NRXN3: variants seen among roughly 807,000 people sequenced by gnomAD.
NRXN3 encodes the protein neurexin 3.
NRXN3 carries 32 observed loss-of-function variants against 137.6 expected under a neutral mutation model. That is an observed-to-expected ratio of 0.23 (90% confidence interval 0.18 to 0.31). NRXN3 has a LOEUF of 0.31. NRXN3 is among the 10% of genes least tolerant of loss of function. The probability of loss-of-function intolerance (pLI) is 1.00; values close to 1 mark genes in which losing one functional copy is unlikely to be tolerated. For synonymous variants in NRXN3, 798 were observed against 784.5 expected, an observed-to-expected ratio of 1.02 and a Z score of -0.29; for missense variants, 1,574 against 2,062.5, an observed-to-expected ratio of 0.76 and a Z score of 4.59.
intron 6 of NRXN3, among the ~76,000 whole-genome samples, chr14:78,658,159 G>A (rs996227705): frequency 6.6e-6 from 1 of 152,140 alleles, no homozygotes; most frequent in African/African-American, 2.4e-5. Context: ...GCAGCGTAGG[G>A]CTAGTAAAAC....
chr14:78,444,630 G>C (rs2094360018), intron 4 of NRXN3, among the ~76,000 whole-genome samples: 1 of 152,022 alleles, frequency 6.6e-6, no homozygotes, highest in African/African-American at 2.4e-5. Context: ...TCATTTGAAG[G>C]AGTGTTTGGC....
intron 8 of NRXN3, among the ~76,000 whole-genome samples, chr14:78,787,707 A>G (rs1000347133): frequency 1.8e-4 from 28 of 152,222 alleles, no homozygotes; most frequent in Non-Finnish European, 2.4e-4. Context: ...TATCTACAGA[A>G]CAGTGCTGTT....
chr14:78,831,534 C>CAAAAAAAAAAAAAAAAAAAAAAA (rs372852083), intron 10 of NRXN3, among the ~76,000 whole-genome samples: 1 of 58,192 alleles, frequency 1.7e-5, no homozygotes, highest in African/African-American at 8.6e-5. Flanking sequence ...GACTCCATGT[C>CAAAAAAAAAAAAAAAAAAAAAAA]AAAAAAAAAA....
At chr14:79,127,392 A>G (rs1332802921) in intron 15 of NRXN3, among the ~76,000 whole-genome samples, 1 of 152,052 alleles carries the variant, frequency 6.6e-6, no homozygotes, top group African/African-American at 2.4e-5. Flanking sequence ...CTTTCTACAT[A>G]TGGCTAGCCA....
At chr14:78,864,379 C>A (rs1019666249) in intron 10 of NRXN3, among the ~76,000 whole-genome samples, 14 of 152,042 alleles carry the variant, frequency 9.2e-5, no homozygotes, top group African/African-American at 3.1e-4. Flanking sequence ...AATAAAACAT[C>A]CTCACACTGA....
chr14:79,409,623 A>G (rs1453237008), intron 15 of NRXN3, among the ~76,000 whole-genome samples: 2 of 143,638 alleles, frequency 1.4e-5, no homozygotes, highest in South Asian at 4.3e-4. Flanking sequence ...GTGTCTATAT[A>G]TATATATATA....
intron 15 of NRXN3, among the ~76,000 whole-genome samples, chr14:79,352,692 A>G (rs1400678522): frequency 1.3e-5 from 2 of 152,122 alleles, no homozygotes; most frequent in Non-Finnish European, 2.9e-5. Flanking sequence ...ATAACAGCTA[A>G]GATATGTCTG....
At position 79,867,483 on chromosome 14, in the gene NRXN3, T is replaced by A. The variant is rs1470514545; in HGVS notation, c.*5519T>A. The A allele has an allele frequency of 1.3e-5, 2 of 152,342 alleles. No homozygotes were observed. Among genetic ancestry groups the A allele is most frequent in the African/African-American group, 4.8e-5 (2 of 41,582 alleles). The allele number at this position is 152,342 out of a possible 1,614,324, so 9.4% of individuals were successfully genotyped here. On this transcript the variant is annotated 3_prime_UTR_variant, in exon 21 of 21. Transcript: ENST00000335750. ...CAGGGCCTTTCTTCTGTTCATGCACTGAGAGATTTCTTTTTCTTGCTCTTC... is the reference window on the plus strand; with the variant it reads ...CAGGGCCTTTCTTCTGTTCATGCACAGAGAGATTTCTTTTTCTTGCTCTTC...
intron 10 of NRXN3, among the ~76,000 whole-genome samples, chr14:78,880,239 CAAAAAAA>C (rs59348965): frequency 2.2e-5 from 1 of 45,274 alleles, no homozygotes; most frequent in Non-Finnish European, 4.7e-5. Context: ...GACTCCGTCT[CAAAAAAA>C]AAAAAAAAAA....
chr14:79,710,278 G>A (rs538329867), intron 19 of NRXN3, among the ~76,000 whole-genome samples: 9 of 151,826 alleles, frequency 5.9e-5, no homozygotes, highest in African/African-American at 9.7e-5. Context: ...GAATAATTTC[G>A]TTGCTCTGTA....
At chr14:78,180,369 G>A (rs1215777499) in intron 1 of NRXN3, among the ~76,000 whole-genome samples, 2 of 152,204 alleles carry the variant, frequency 1.3e-5, no homozygotes, top group Non-Finnish European at 2.9e-5. Context: ...GAAGCATCCA[G>A]TAGTAACAAA....
At chr14:79,778,186 G>A (rs2099103280) in intron 19 of NRXN3, among the ~76,000 whole-genome samples, 1 of 152,208 alleles carries the variant, frequency 6.6e-6, no homozygotes, top group Non-Finnish European at 1.5e-5. Flanking sequence ...GGAGGCCGAG[G>A]CAGGTGGATC....
At chr14:79,452,269 GT>G (rs1369892502) in intron 15 of NRXN3, among the ~76,000 whole-genome samples, 1 of 152,118 alleles carries the variant, frequency 6.6e-6, no homozygotes, top group Non-Finnish European at 1.5e-5. Flanking sequence ...TGCTTTCTAA[GT>G]TTATTGCAAG....
rs368805161 is a variant in NRXN3 at position 79,064,488 on chromosome 14, A to T, written c.3262+76347A>T. ...TCCAATTGGTCATATTCTCCAAGTT[A>T]TTTTTGGTCTATAGTTGGTTCCCTA... is the stretch of plus-strand genomic sequence containing the variant. On this transcript the variant is annotated intron_variant, in intron 15 of 20. Transcript: ENST00000335750. Among the ~76,000 whole-genome samples, 17 of 152,080 alleles carry T rather than the reference A, an allele frequency of 1.1e-4. 1 individual carries two copies. The highest frequency in any genetic ancestry group is 5.8e-4 in the East Asian group (3 of 5,180).
intron 1 of NRXN3, among the ~76,000 whole-genome samples, chr14:78,230,596 A>C (rs1419994606): frequency 6.6e-6 from 1 of 152,056 alleles, no homozygotes; most frequent in African/African-American, 2.4e-5. Context: ...GGACCCAGAG[A>C]AGAGGGAGTC....
chr14:78,964,767 A>G (rs2099414329), intron 11 of NRXN3, among the ~76,000 whole-genome samples: 1 of 152,020 alleles, frequency 6.6e-6, no homozygotes, highest in South Asian at 2.1e-4. Flanking sequence ...TTATTTTGTT[A>G]TTAAAATTTC....
intron 15 of NRXN3, among the ~76,000 whole-genome samples, chr14:79,056,098 T>C (rs571831037): frequency 6.6e-6 from 1 of 152,308 alleles, no homozygotes; most frequent in Non-Finnish European, 1.5e-5. Flanking sequence ...TGGCAAATGA[T>C]GGTAGTCTTC....
intron 15 of NRXN3, among the ~76,000 whole-genome samples, chr14:79,086,367 G>A (rs778257942): frequency 2.6e-5 from 4 of 151,980 alleles, no homozygotes; most frequent in South Asian, 4.2e-4. Flanking sequence ...GCCATCCCTC[G>A]CTTTAACTTG....
chr14:79,103,129 A>C (rs2051669262), intron 15 of NRXN3, among the ~76,000 whole-genome samples: 1 of 152,214 alleles, frequency 6.6e-6, no homozygotes, highest in African/African-American at 2.4e-5. Flanking sequence ...ACCTTGCTGC[A>C]AAAGTAAATG....
Sources: allele counts gnomAD v4.1 joint callset (sites outside exome capture counted in the v4.1 genomes callset), GRCh38; gene constraint gnomAD v4.1.1; transcripts MANE v1.5; gene names NCBI Gene and HGNC (gene_info 2026-07-23, HGNC 2026-07-21).